The following ACYP2 variants were observed in gnomAD, a reference collection of about 807,000 sequenced individuals.
The protein encoded by ACYP2 is acylphosphatase 2.
Under a neutral mutation model 11.2 loss-of-function variants are expected in ACYP2, and 12 were observed. The ratio of observed to expected loss-of-function variants is 1.08; its 90% CI spans 0.69 to 1.74. The LOEUF is 1.74. Ranked by LOEUF, ACYP2 falls within the 40% of genes most tolerant of loss-of-function variation. ACYP2 has a pLI of 0.00. For synonymous variants in ACYP2, 43 were observed against 32.2 expected (o/e 1.33, Z -1.13); for missense variants, 134 against 101.9 (o/e 1.31, Z -1.35).
chr2:53,981,246 A>G (rs1204090635), intron 2 of ACYP2, among the ~76,000 whole-genome samples: 2 of 152,210 alleles, frequency 1.3e-5, no homozygotes, highest in African/African-American at 4.8e-5. Context: ...TGGAATTTGA[A>G]CAATGATTTG....
At chr2:54,279,600 AAGAGCTGCAGTCTCTATCTGAAAG>A (rs1021550838) in intron 6 of ACYP2, among the ~76,000 whole-genome samples, 3 of 33,002 alleles carry the variant, frequency 9.1e-5, no homozygotes, top group Non-Finnish European at 2.4e-4. Context: ...CTGCAGTCTC[AAGAGCTGCAGTCTCTATCTGAAAG>A]AGAGCATTTT....
chr2:54,153,022 C>G (rs146455964), intron 6 of ACYP2, among the ~76,000 whole-genome samples: 21 of 152,124 alleles, frequency 1.4e-4, no homozygotes, highest in African/African-American at 4.8e-4. Flanking sequence ...TGTATTTTTT[C>G]AAAATTATAA....
chr2:54,095,520 C>A (rs1273821182), intron 4 of ACYP2, among the ~76,000 whole-genome samples: 1 of 148,992 alleles, frequency 6.7e-6, no homozygotes. Flanking sequence ...GGGGCTGACC[C>A]CCCCACCTCC....
chr2:54,096,080 G>T (rs1168322427), intron 4 of ACYP2, among the ~76,000 whole-genome samples: 26 of 138,294 alleles, frequency 1.9e-4, no homozygotes, highest in Admixed American at 4.2e-4. Context: ...CCCGGACGGG[G>T]TGGCTGCGGG....
Position 54,006,914 on chromosome 2 carries a change from C to G in ACYP2, c.62+33104C>G, listed in dbSNP as rs879525175. On this transcript the variant is annotated intron_variant, in intron 2 of 6. Transcript: ENST00000607452. ...CCGAGGCGGATGGATCACTTGAGAT[C>G]AGGTGTTCAAGACCAGCCTGGCCAA... Among the ~76,000 whole-genome samples, 3 of 152,008 alleles carry G rather than the reference C, an allele frequency of 2.0e-5. No individual in the cohort carries two copies. In the East Asian group the frequency reaches 5.9e-4, roughly 30 times the overall value.
intron 6 of ACYP2, among the ~76,000 whole-genome samples, chr2:54,208,457 G>A (rs1408444872): frequency 2.6e-5 from 4 of 152,056 alleles, no homozygotes; most frequent in African/African-American, 9.7e-5. Flanking sequence ...GGGGTGGGAT[G>A]TTTCTTTTTA....
At chr2:54,223,518 G>T (rs1412915252) in intron 6 of ACYP2, among the ~76,000 whole-genome samples, 1 of 152,128 alleles carries the variant, frequency 6.6e-6, no homozygotes, top group Non-Finnish European at 1.5e-5. Context: ...ATGTTTATGA[G>T]CCCAGAATTT....
chr2:54,272,870 CAT>C (rs1478397146), intron 6 of ACYP2, among the ~76,000 whole-genome samples: 1 of 152,222 alleles, frequency 6.6e-6, no homozygotes, highest in African/African-American at 2.4e-5. Context: ...AATACAAACT[CAT>C]GTGGTATCTC....
intron 4 of ACYP2, among the ~76,000 whole-genome samples, chr2:54,113,954 A>G (rs183334046): frequency 6.6e-6 from 1 of 152,310 alleles, no homozygotes; most frequent in East Asian, 1.9e-4. Flanking sequence ...TGGAAGAGTT[A>G]AGTTACGAGG....
At chr2:54,007,051 G>A (rs1397229039) in intron 2 of ACYP2, among the ~76,000 whole-genome samples, 2 of 143,362 alleles carry the variant, frequency 1.4e-5, no homozygotes, top group Admixed American at 1.5e-4. Flanking sequence ...CTTGAACCAA[G>A]GAGGCGGAAC....
At chr2:54,243,315 T>C (rs1457052347) in intron 6 of ACYP2, among the ~76,000 whole-genome samples, 1 of 152,140 alleles carries the variant, frequency 6.6e-6, no homozygotes, top group Non-Finnish European at 1.5e-5. Context: ...GTATAGCCTA[T>C]TGCTCCTATT....
At chr2:54,219,833 ATAT>A (rs1685711405) in intron 6 of ACYP2, among the ~76,000 whole-genome samples, 1 of 143,990 alleles carries the variant, frequency 6.9e-6, no homozygotes, top group South Asian at 2.2e-4. Flanking sequence ...GTGTGTATAT[ATAT>A]GTGTATGTGT....
intron 2 of ACYP2, among the ~76,000 whole-genome samples, chr2:54,015,977 A>T (rs906914826): frequency 1.3e-5 from 2 of 152,122 alleles, no homozygotes; most frequent in Admixed American, 1.3e-4. Flanking sequence ...CTAGAATTTT[A>T]AATGTTTCTC....
chr2:54,141,231 C>T (rs1681581839), intron 6 of ACYP2, among the ~76,000 whole-genome samples: 1 of 152,052 alleles, frequency 6.6e-6, no homozygotes, highest in African/African-American at 2.4e-5. Context: ...CAGGTATTTT[C>T]CCAAATCTAT....
chr2:54,035,379 T>C (rs992603914), intron 2 of ACYP2, among the ~76,000 whole-genome samples: 1 of 151,088 alleles, frequency 6.6e-6, no homozygotes, highest in Non-Finnish European at 1.5e-5. Context: ...CATTCTCCTG[T>C]CTCAGCCTTC....
chr2:54,235,415 C>A (rs1024307677), intron 6 of ACYP2, among the ~76,000 whole-genome samples: 4 of 152,160 alleles, frequency 2.6e-5, no homozygotes, highest in Non-Finnish European at 4.4e-5. Flanking sequence ...GTGGCGCAAT[C>A]TCGGCTCACT....
intron 1 of ACYP2, chr2:53,973,685 C>T: frequency 4.0e-6 from 1 of 250,874 alleles, no homozygotes; most frequent in Non-Finnish European, 7.5e-6. Flanking sequence ...ATGGTAATCC[C>T]AACACCCTTT....
At chr2:54,219,144 CAGTA>C (rs1685678026) in intron 6 of ACYP2, among the ~76,000 whole-genome samples, 1 of 152,088 alleles carries the variant, frequency 6.6e-6, no homozygotes, top group Non-Finnish European at 1.5e-5. Context: ...CACAGCTGGA[CAGTA>C]AGTGCTATCA....
At chr2:54,231,267 C>T (rs1311091611) in intron 6 of ACYP2, among the ~76,000 whole-genome samples, 1 of 152,170 alleles carries the variant, frequency 6.6e-6, no homozygotes, top group East Asian at 1.9e-4. Flanking sequence ...GCTGTGGTCA[C>T]TCATATTTGG....
Sources: allele counts gnomAD v4.1 joint callset (sites outside exome capture counted in the v4.1 genomes callset), GRCh38; gene constraint gnomAD v4.1.1; transcripts MANE v1.5; gene names NCBI Gene and HGNC (gene_info 2026-07-23, HGNC 2026-07-21).